PRKAR2A: variants seen among roughly 807,000 people sequenced by gnomAD.
PRKAR2A encodes cAMP-dependent protein kinase type II-alpha regulatory subunit.
In PRKAR2A, 29 loss-of-function variants were observed where a neutral mutation model predicts 51.9. The observed-to-expected ratio is 0.56, with a 90% CI of 0.42 to 0.76. PRKAR2A has a LOEUF of 0.76. Ranked by LOEUF, PRKAR2A falls within the 30% of genes least tolerant of loss-of-function variation. The pLI is 0.00. For synonymous variants in PRKAR2A, 178 were observed against 186.2 expected (o/e 0.96, Z 0.36); for missense variants, 445 against 512.1 (o/e 0.87, Z 1.26).
rs542365305 is a variant in PRKAR2A, at chr3:48,836,128, T to C, written c.262+11207A>G. Reference sequence around the variant, plus strand: ...AACTGGATATTTACATGTAAAAGAATAAAGTACTCGGCCAGGCACGGTGGC... The same window carrying C: ...AACTGGATATTTACATGTAAAAGAACAAAGTACTCGGCCAGGCACGGTGGC... On this transcript the variant is annotated intron_variant, in intron 1 of 10. Transcript: ENST00000265563. 5.9e-5 allele frequency among the ~76,000 whole-genome samples: 9 copies of C among 151,988 alleles called. No individual in the cohort carries two copies. In the East Asian group the frequency reaches 1.7e-3, roughly 29 times the overall value.
rs138797572 is a variant in PRKAR2A at position 48,820,760 on chromosome 3, A to G, written c.263-13076T>C. Reference sequence around the variant, plus strand: ...GTTGATAAAAGACAAGTAGCAGTTCAGCAGAGAAACAAGAAGGGGAGGACA... The same window carrying G: ...GTTGATAAAAGACAAGTAGCAGTTCGGCAGAGAAACAAGAAGGGGAGGACA... On this transcript the variant is annotated intron_variant, in intron 1 of 10. Transcript: ENST00000265563. 1.1e-3 allele frequency among the ~76,000 whole-genome samples: 174 copies of G among 152,320 alleles called. 1 individual carries two copies. The highest frequency in any genetic ancestry group is 0.01 in the Middle Eastern group (3 of 294).
chr3:48,815,115 T>C (rs567994448), intron 1 of PRKAR2A, among the ~76,000 whole-genome samples: 6 of 152,118 alleles, frequency 3.9e-5, no homozygotes, highest in East Asian at 3.9e-4. Flanking sequence ...GGTTTCGCCA[T>C]GTCAGCCAGG....
chr3:48,837,173 T>A (rs2107456828), intron 1 of PRKAR2A, among the ~76,000 whole-genome samples: 1 of 151,778 alleles, frequency 6.6e-6, no homozygotes, highest in South Asian at 2.1e-4. Flanking sequence ...AAAAAAAAAA[T>A]TAGCCACTTA....
chr3:48,847,084 G>T lies in PRKAR2A; in HGVS notation c.262+251C>A, dbSNP rs938992004. Among the ~76,000 whole-genome samples, 1 of 152,258 alleles carries T rather than the reference G, an allele frequency of 6.6e-6. No homozygotes were observed. On this transcript the variant is annotated intron_variant, in intron 1 of 10. Transcript: ENST00000265563. This position sits in a 1 kb window ranked among gnomAD's most constrained non-coding sequence, Gnocchi z 4.4. ...CTCTAGCAGGGCCGACAGCGCGCAC[G>T]TTTCCTTCAAGGCTGGATCTGACAA... is the stretch of plus-strand genomic sequence containing the variant.
intron 1 of PRKAR2A, among the ~76,000 whole-genome samples, chr3:48,818,769 T>G (rs886305674): frequency 6.6e-6 from 1 of 151,932 alleles, no homozygotes; most frequent in Admixed American, 6.6e-5. Flanking sequence ...AACTTAAACT[T>G]CTCTGAGCCT....
chr3:48,791,702 C>A (rs2082391166), intron 3 of PRKAR2A, among the ~76,000 whole-genome samples: 4 of 145,682 alleles, frequency 2.7e-5, no homozygotes, highest in Non-Finnish European at 3.0e-5. Flanking sequence ...GTCAGGAGTT[C>A]GAAACCAGCC....
intron 2 of PRKAR2A, among the ~76,000 whole-genome samples, chr3:48,799,094 C>T (rs1364253494): frequency 6.6e-6 from 1 of 152,164 alleles, no homozygotes; most frequent in East Asian, 1.9e-4. Flanking sequence ...TTTTACAGTA[C>T]CTACTTGATT....
chr3:48,807,031 A>T (rs971596746), intron 2 of PRKAR2A, among the ~76,000 whole-genome samples: 1 of 152,148 alleles, frequency 6.6e-6, no homozygotes, highest in African/African-American at 2.4e-5. Context: ...AAGACCTCCC[A>T]AAGTACTGGG....
chr3:48,748,552 G>C lies in PRKAR2A; in HGVS notation c.*3033C>G, dbSNP rs753876957. The C allele has an allele frequency of 7.9e-5, 12 of 152,156 alleles. No individual in the cohort carries two copies. The highest frequency in any genetic ancestry group is 1.5e-4 in the Non-Finnish European group (10 of 68,060). 9.4% of individuals were successfully genotyped at this position (152,156 alleles called of 1,614,324 possible). On this transcript the variant is annotated 3_prime_UTR_variant, in exon 11 of 11. Transcript: ENST00000265563. ...CTAGACTGGGATGTGTGCGAGAGTG[G>C]GATAAGAAGGCCCATCCCTAGCAGA... is the stretch of plus-strand genomic sequence containing the variant.
intron 1 of PRKAR2A, among the ~76,000 whole-genome samples, chr3:48,845,833 C>A (rs1323702604): frequency 6.6e-6 from 1 of 152,016 alleles, no homozygotes; most frequent in Admixed American, 6.6e-5. Context: ...TTAGTCCCAG[C>A]TACTTGGGAG....
chr3:48,837,655 T>C (rs1400804911), intron 1 of PRKAR2A, among the ~76,000 whole-genome samples: 1 of 152,188 alleles, frequency 6.6e-6, no homozygotes, highest in Non-Finnish European at 1.5e-5. Context: ...GCAGCATTAT[T>C]CATAATAGTC....
At chr3:48,845,533 T>C (rs1302964978) in intron 1 of PRKAR2A, among the ~76,000 whole-genome samples, 1 of 152,252 alleles carries the variant, frequency 6.6e-6, no homozygotes, top group Non-Finnish European at 1.5e-5. Context: ...TTCATTGTTT[T>C]GTTAAATTTT....
chr3:48,807,780 C>T, intron 1 of PRKAR2A, 96 bp from the exon 2 acceptor site: 1 of 938,554 alleles, frequency 1.1e-6, no homozygotes, highest in Admixed American at 2.0e-5. Context: ...TAGACCTAAG[C>T]CCCTCAAAAC....
chr3:48,776,023 C>T lies in PRKAR2A; in HGVS notation c.543-2915G>A, dbSNP rs555156070. Among the ~76,000 whole-genome samples, 193 of 152,226 alleles carry T rather than the reference C, an allele frequency of 1.3e-3. No homozygotes were observed. The South Asian group carries it at 0.013, about 10-fold the overall frequency. On this transcript the variant is annotated intron_variant, in intron 5 of 10. Coordinates refer to ENST00000265563, the MANE Select transcript of PRKAR2A (RefSeq NM_004157.4). ...TCGGGAGGCTGAGGCAGGAGAATCA[C>T]TTGAAACCAGGAGGTGGAGGTTGCA...
intron 1 of PRKAR2A, among the ~76,000 whole-genome samples, chr3:48,846,188 C>G (rs1165910752): frequency 6.6e-6 from 1 of 150,974 alleles, no homozygotes; most frequent in East Asian, 2.0e-4. Context: ...ACCCACTAAA[C>G]AAGAATATAG....
intron 2 of PRKAR2A, among the ~76,000 whole-genome samples, chr3:48,806,180 C>T (rs950056304): frequency 2.6e-5 from 4 of 152,218 alleles, no homozygotes; most frequent in Middle Eastern, 3.4e-3. Flanking sequence ...GAATGATAAA[C>T]GCTTTCTGAA....
At chr3:48,797,172 T>C (rs2082508738) in intron 2 of PRKAR2A, among the ~76,000 whole-genome samples, 1 of 151,896 alleles carries the variant, frequency 6.6e-6, no homozygotes, top group Admixed American at 6.6e-5. Context: ...ATTATTATTA[T>C]TATTATATTT....
At chr3:48,753,146 T>A (rs2081688327) in intron 9 of PRKAR2A, among the ~76,000 whole-genome samples, 1 of 151,506 alleles carries the variant, frequency 6.6e-6, no homozygotes, top group Non-Finnish European at 1.5e-5. Flanking sequence ...TGTTCGCCAG[T>A]ATAGTCTCCA....
At chr3:48,769,486 T>G (rs141464166) in intron 6 of PRKAR2A, among the ~76,000 whole-genome samples, 2,759 of 151,948 alleles carry the variant, frequency 0.018, 34 homozygotes, top group Middle Eastern at 0.037. Flanking sequence ...GCGACTTTTT[T>G]TTTTTTTGAG....
Sources: gnomAD v4.1 joint callset for allele counts (sites outside exome capture counted in the v4.1 genomes callset) on GRCh38, gnomAD v4.1.1 for gene constraint, Gnocchi (gnomAD v3.1) non-coding constraint, MANE v1.5 for transcripts, NCBI Gene and HGNC (gene_info 2026-07-23, HGNC 2026-07-21) for gene names.